Variants in GRIP1 observed in about 807,000 individuals in gnomAD.
GRIP1 encodes glutamate receptor-interacting protein 1.
A neutral mutation model predicts 129.9 loss-of-function variants in GRIP1; 45 were observed. That is an observed-to-expected ratio of 0.35 (90% confidence interval 0.27 to 0.44). The LOEUF (loss-of-function observed/expected upper bound fraction) is 0.44, where lower values mean the gene tolerates loss of function less well. Among genes scored for constraint, GRIP1 ranks in the 20% least tolerant of loss-of-function variants. The pLI, the probability that GRIP1 is intolerant of heterozygous loss-of-function variation, is 1.00. For missense variants in GRIP1, 1,196 were observed against 1,396.8 expected, an observed-to-expected ratio of 0.86 and a Z score of 2.29; for synonymous variants, 530 against 520.8, an observed-to-expected ratio of 1.02 and a Z score of -0.24.
At chr12:66,472,263 C>T (rs1361955018) in intron 7 of GRIP1, among the ~76,000 whole-genome samples, 3 of 152,172 alleles carry the variant, frequency 2.0e-5, no homozygotes, top group African/African-American at 4.8e-5. Context: ...ATGCCATGCA[C>T]ATTGAAAGGT....
chr12:66,551,165 G>A (rs10748053), intron 2 of GRIP1, among the ~76,000 whole-genome samples: 110,318 of 152,170 alleles, frequency 0.72, 40,659 homozygotes, highest in African/African-American at 0.86. Flanking sequence ...TCCTAAAAAC[G>A]TTTTTAAGCA....
At chr12:66,850,132 A>G (rs2039886006) in intron 1 of GRIP1, among the ~76,000 whole-genome samples, 1 of 152,180 alleles carries the variant, frequency 6.6e-6, no homozygotes, top group Admixed American at 6.5e-5. Context: ...GCAAAGTGAG[A>G]CAAAAGGGGA....
chr12:66,637,141 G>A (rs189027155), intron 1 of GRIP1, among the ~76,000 whole-genome samples: 1 of 152,174 alleles, frequency 6.6e-6, no homozygotes, highest in African/African-American at 2.4e-5. Flanking sequence ...GTTAACTGGG[G>A]CATCATTTAT....
At chr12:66,954,776 C>T (rs755926744) in intron 1 of GRIP1, among the ~76,000 whole-genome samples, 1 of 151,766 alleles carries the variant, frequency 6.6e-6, no homozygotes, top group Non-Finnish European at 1.5e-5. Flanking sequence ...GGCAGAGGGA[C>T]ACAGACATTT....
At chr12:66,942,336 T>C (rs1329899157) in intron 1 of GRIP1, among the ~76,000 whole-genome samples, 1 of 152,072 alleles carries the variant, frequency 6.6e-6, no homozygotes, top group Non-Finnish European at 1.5e-5. Context: ...CTAAGTAATG[T>C]GAGGTTTTCT....
chr12:66,414,204 C>A (rs1393981437), intron 15 of GRIP1, among the ~76,000 whole-genome samples: 1 of 152,172 alleles, frequency 6.6e-6, no homozygotes, highest in Non-Finnish European at 1.5e-5. Flanking sequence ...CGCATCATCT[C>A]AGCCCAAAAG....
At chr12:67,037,575 G>A (rs1158125359) in intron 1 of GRIP1, 9 of 151,932 alleles carry the variant, frequency 5.9e-5, no homozygotes, top group Admixed American at 5.9e-4. Flanking sequence ...GAGTTATGAC[G>A]TTCATCATAC....
intron 2 of GRIP1, among the ~76,000 whole-genome samples, chr12:66,595,885 C>T (rs1275803292): frequency 6.6e-6 from 1 of 152,110 alleles, no homozygotes; most frequent in Non-Finnish European, 1.5e-5. Flanking sequence ...GAGAGTTACT[C>T]ACAAATGGGA....
chr12:66,815,700 G>A (rs940952879), intron 1 of GRIP1, among the ~76,000 whole-genome samples: 1 of 151,988 alleles, frequency 6.6e-6, no homozygotes, highest in Non-Finnish European at 1.5e-5. Context: ...GGAAGTAGAG[G>A]CTGCAATAAG....
chr12:66,369,909 G>A (rs1030119505), intron 23 of GRIP1, among the ~76,000 whole-genome samples: 7 of 152,146 alleles, frequency 4.6e-5, no homozygotes, highest in East Asian at 1.9e-4. Flanking sequence ...TAGGGTAACT[G>A]GATAAACAAG....
At chr12:67,023,101 T>C (rs1159998284) in intron 1 of GRIP1, among the ~76,000 whole-genome samples, 1 of 152,218 alleles carries the variant, frequency 6.6e-6, no homozygotes, top group Admixed American at 6.5e-5. Context: ...GGTGGTGGCA[T>C]ATCTTTCAAA....
chr12:66,826,885 G>GT (rs1051282027), intron 1 of GRIP1, among the ~76,000 whole-genome samples: 4 of 151,816 alleles, frequency 2.6e-5, no homozygotes, highest in Admixed American at 6.6e-5. Context: ...CTGTATGTAT[G>GT]TTTTTTTAAA....
intron 1 of GRIP1, among the ~76,000 whole-genome samples, chr12:67,042,910 G>C (rs1043266003): frequency 2.2e-4 from 33 of 152,336 alleles, no homozygotes; most frequent in African/African-American, 7.5e-4. Context: ...TTCCATGCAA[G>C]TTGCAACTGA....
chr12:66,465,772 A>C (rs1033175674), intron 7 of GRIP1, among the ~76,000 whole-genome samples: 15 of 152,226 alleles, frequency 9.9e-5, no homozygotes, highest in African/African-American at 2.9e-4. Context: ...GGTTTTTTAA[A>C]TTAATTACTT....
At chr12:66,825,066 G>T (rs2039386283) in intron 1 of GRIP1, among the ~76,000 whole-genome samples, 1 of 151,878 alleles carries the variant, frequency 6.6e-6, no homozygotes, top group African/African-American at 2.4e-5. Flanking sequence ...GTCCAATTCT[G>T]TCCTTATATT....
At chr12:66,403,261 AGTT>A (rs983893166) in intron 16 of GRIP1, among the ~76,000 whole-genome samples, 55 of 152,210 alleles carry the variant, frequency 3.6e-4, no homozygotes, top group Admixed American at 3.5e-3. Flanking sequence ...CCCAATATGT[AGTT>A]GTTGTTGTCC....
intron 1 of GRIP1, among the ~76,000 whole-genome samples, chr12:66,886,080 C>T (rs567852040): frequency 2.6e-5 from 4 of 152,090 alleles, no homozygotes; most frequent in East Asian, 1.9e-4. Flanking sequence ...CTGGCCAACA[C>T]GGTGAAACCC....
chr12:66,531,532 G>T (rs1354488563), intron 4 of GRIP1, among the ~76,000 whole-genome samples: 1 of 151,864 alleles, frequency 6.6e-6, no homozygotes, highest in Non-Finnish European at 1.5e-5. Flanking sequence ...GGGACATAAA[G>T]TACAATAAAA....
intron 1 of GRIP1, among the ~76,000 whole-genome samples, chr12:66,846,791 G>T (rs1156538548): frequency 6.6e-6 from 1 of 152,124 alleles, no homozygotes; most frequent in Non-Finnish European, 1.5e-5. Context: ...ACCACAGGGG[G>T]CCATGTGGGG....
Sources: allele counts gnomAD v4.1 joint callset (sites outside exome capture counted in the v4.1 genomes callset), GRCh38; gene constraint gnomAD v4.1.1; transcripts MANE v1.5; gene names NCBI Gene and HGNC (gene_info 2026-07-23, HGNC 2026-07-21).